Variants in TAF1B observed in about 807,000 individuals in gnomAD.
The protein encoded by TAF1B is TATA-box binding protein associated factor, RNA polymerase I subunit B.
In TAF1B, 61 loss-of-function variants were observed where a neutral mutation model predicts 83.9. The observed-to-expected ratio is 0.73, with a 90% confidence interval of 0.59 to 0.90. The LOEUF is 0.90. TAF1B is among the 40% of genes least tolerant of loss of function. TAF1B has a pLI of 0.00. For synonymous variants in TAF1B, 221 were observed against 224.6 expected, an observed-to-expected ratio of 0.98 and a Z score of 0.14; for missense variants, 625 against 677.0, an observed-to-expected ratio of 0.92 and a Z score of 0.85.
chr2:9,872,760 C>T (rs1664209019), intron 6 of TAF1B, among the ~76,000 whole-genome samples: 1 of 152,172 alleles, frequency 6.6e-6, no homozygotes, highest in African/African-American at 2.4e-5. Context: ...ACACAACACA[C>T]ATTTATTTTA....
At chr2:9,863,161 A>G (rs1027969906) in intron 5 of TAF1B, among the ~76,000 whole-genome samples, 19 of 152,232 alleles carry the variant, frequency 1.2e-4, no homozygotes, top group African/African-American at 4.6e-4. Context: ...CAAATTGGAT[A>G]AAGAGTCAAG....
At chr2:9,856,635 A>G (rs1368546240) in intron 5 of TAF1B, among the ~76,000 whole-genome samples, 2 of 152,198 alleles carry the variant, frequency 1.3e-5, no homozygotes, top group African/African-American at 2.4e-5. Flanking sequence ...TGCCTAACAC[A>G]TAGAAAATAT....
chr2:9,850,159 G>A (rs1663340894), intron 3 of TAF1B, among the ~76,000 whole-genome samples: 1 of 151,940 alleles, frequency 6.6e-6, no homozygotes, highest in Non-Finnish European at 1.5e-5. Flanking sequence ...CTTTTTATTA[G>A]GCTAAAACCT....
intron 9 of TAF1B, among the ~76,000 whole-genome samples, chr2:9,906,077 C>A (rs191108775): frequency 4.0e-5 from 6 of 151,894 alleles, no homozygotes; most frequent in African/African-American, 1.2e-4. Context: ...ATGGGTCTCT[C>A]AAGTGTGGAA....
intron 5 of TAF1B, among the ~76,000 whole-genome samples, chr2:9,859,876 A>G (rs1663695394): frequency 1.3e-5 from 2 of 152,128 alleles, no homozygotes. Flanking sequence ...TTCCTGTATT[A>G]GTTTGTTTCC....
At chr2:9,921,701 C>T (rs935275605) in intron 14 of TAF1B, among the ~76,000 whole-genome samples, 5 of 152,098 alleles carry the variant, frequency 3.3e-5, no homozygotes, top group Non-Finnish European at 5.9e-5. Context: ...CAGAGATAAT[C>T]AGTGGGGTAT....
At chr2:9,909,425 C>T (rs920013553) in intron 9 of TAF1B, among the ~76,000 whole-genome samples, 24 of 152,116 alleles carry the variant, frequency 1.6e-4, no homozygotes, top group African/African-American at 5.8e-4. Flanking sequence ...CCAGGCAGAG[C>T]CTGAGATGAG....
chr2:9,850,857 G>A (rs1415950175), intron 3 of TAF1B, among the ~76,000 whole-genome samples: 3 of 152,104 alleles, frequency 2.0e-5, no homozygotes, highest in South Asian at 2.1e-4. Context: ...AATAACCCAC[G>A]TAAGATACCT....
intron 5 of TAF1B, among the ~76,000 whole-genome samples, chr2:9,859,639 A>G (rs369960269): frequency 1.1e-4 from 17 of 152,088 alleles, no homozygotes; most frequent in Middle Eastern, 3.4e-3. Flanking sequence ...GCCCACCTCC[A>G]CCTCTCAAAG....
At position 9,934,080 on chromosome 2, in the gene TAF1B, A is replaced by G; in HGVS notation, c.*96A>G. 1.1e-6 allele frequency: 1 copy of G among 947,264 alleles called. No homozygotes were observed. Among genetic ancestry groups the G allele is most frequent in the Non-Finnish European group, 1.6e-6 (1 of 641,528 alleles). 58.7% of individuals were successfully genotyped at this position (947,264 alleles called of 1,614,324 possible). A position where few individuals can be genotyped will look rare whatever the true frequency, so the allele number is the denominator to read the frequency against. ...TCCAGAGAATTGTGGAAAATACTGC[A>G]TATATATGTATAGACTCTGACACAT... is the stretch of plus-strand genomic sequence containing the variant. On this transcript the variant is annotated 3_prime_UTR_variant, in exon 15 of 15. Transcript: ENST00000263663.
intron 5 of TAF1B, among the ~76,000 whole-genome samples, chr2:9,868,059 C>T (rs376598950): frequency 6.6e-6 from 1 of 152,132 alleles, no homozygotes; most frequent in Non-Finnish European, 1.5e-5. Context: ...GGCTGGCAGC[C>T]GGTTTCCTCG....
Position 9,846,404 on chromosome 2 carries a change from CT to C in TAF1B, c.117+1087del, listed in dbSNP as rs1663209586. Among the ~76,000 whole-genome samples, 7 of 152,272 alleles carry C rather than the reference CT, an allele frequency of 4.6e-5. No homozygotes were observed. The South Asian group carries it at 6.2e-4, about 14-fold the overall frequency. On this transcript the variant is annotated intron_variant, in intron 2 of 14. Transcript: ENST00000263663. ...ACAGGCTAAATGTGCCAGGACTCTC[CT>C]CAGTGGAAAAGGATTTCCTCAAAGT...
At chr2:9,850,333 C>T (rs1034554151) in intron 3 of TAF1B, among the ~76,000 whole-genome samples, 1 of 152,090 alleles carries the variant, frequency 6.6e-6, no homozygotes, top group Non-Finnish European at 1.5e-5. Flanking sequence ...TTAATTTCTT[C>T]ATTTGTAAAA....
At chr2:9,920,129 A>G (rs1463179276) in intron 14 of TAF1B, among the ~76,000 whole-genome samples, 1 of 152,236 alleles carries the variant, frequency 6.6e-6, no homozygotes, top group Non-Finnish European at 1.5e-5. Flanking sequence ...TCTCTGAGTC[A>G]GTTACCTTTA....
chr2:9,898,022 A>T (rs1023691795), intron 8 of TAF1B, among the ~76,000 whole-genome samples: 1 of 130,048 alleles, frequency 7.7e-6, no homozygotes, highest in Non-Finnish European at 1.6e-5. Flanking sequence ...GCCTCACTGG[A>T]ATGTGTATGT....
chr2:9,870,354 G>C (rs1246898071), intron 6 of TAF1B, among the ~76,000 whole-genome samples: 1 of 152,102 alleles, frequency 6.6e-6, no homozygotes, highest in African/African-American at 2.4e-5. Context: ...TAGGCATGGT[G>C]GTGCATGCCT....
At chr2:9,873,021 G>A (rs529844379) in intron 6 of TAF1B, among the ~76,000 whole-genome samples, 4 of 152,178 alleles carry the variant, frequency 2.6e-5, no homozygotes, top group African/African-American at 9.7e-5. Context: ...CATTTAGGTT[G>A]TTCTAAATTT....
intron 2 of TAF1B, among the ~76,000 whole-genome samples, chr2:9,848,438 G>A (rs1432287847): frequency 6.6e-6 from 1 of 152,126 alleles, no homozygotes; most frequent in Non-Finnish European, 1.5e-5. Flanking sequence ...AGACCGAGGT[G>A]GGCAGATCAC....
chr2:9,892,518 T>G (rs1312938716), intron 8 of TAF1B, among the ~76,000 whole-genome samples: 1 of 152,222 alleles, frequency 6.6e-6, no homozygotes, highest in Non-Finnish European at 1.5e-5. Context: ...ATTCTTCATA[T>G]AAGTGAGATC....
Sources: gnomAD v4.1 joint callset for allele counts (sites outside exome capture counted in the v4.1 genomes callset) on GRCh38, gnomAD v4.1.1 for gene constraint, MANE v1.5 for transcripts, NCBI Gene and HGNC (gene_info 2026-07-23, HGNC 2026-07-21) for gene names.